The following NDOR1 variants were observed in gnomAD, a reference collection of about 807,000 sequenced individuals.
NDOR1 encodes NADPH-dependent diflavin oxidoreductase 1.
In NDOR1, 61 loss-of-function variants were observed where a neutral mutation model predicts 67.2. The observed-to-expected ratio is 0.91, with a 90% confidence interval of 0.74 to 1.12. The LOEUF is 1.12. Ranked by LOEUF, NDOR1 falls within the 50% of genes most tolerant of loss-of-function variation. The pLI is 0.00. For missense variants in NDOR1, 878 were observed against 802.8 expected (o/e 1.09, Z -1.13); for synonymous variants, 378 against 343.7 (o/e 1.10, Z -1.10).
chr9:137,209,077 T>G (rs951653368), intron 2 of NDOR1, among the ~76,000 whole-genome samples: 10 of 152,000 alleles, frequency 6.6e-5, no homozygotes, highest in African/African-American at 2.4e-4. Context: ...GAGATCGGGT[T>G]TCACCGTGTT....
chr9:137,218,628 C>T lies in NDOR1; in HGVS notation c.*2212C>T, dbSNP rs1278621697. ...GCAGAGCCCAGGACAGCCCCGCCGC[C>T]AACAGGCCAGGGGGCCCAGACTGGC... On this transcript the variant is annotated 3_prime_UTR_variant, in exon 14 of 14. Coordinates refer to ENST00000684003, the MANE Select transcript of NDOR1 (RefSeq NM_014434.4). 1 of 398,514 alleles carries T rather than the reference C, an allele frequency of 2.5e-6. No individual in the cohort carries two copies. The highest frequency in any genetic ancestry group is 4.4e-6 in the Non-Finnish European group (1 of 226,048). 24.7% of individuals were successfully genotyped at this position (398,514 alleles called of 1,614,324 possible).
chr9:137,215,674 C>T lies in NDOR1; in HGVS notation c.1304C>T (p.Pro435Leu). 6.4e-7 allele frequency: 1 copy of T among 1,571,328 alleles called. No homozygotes were observed. Among genetic ancestry groups the T allele is most frequent in the African/African-American group, 1.4e-5 (1 of 73,740 alleles). Reference sequence around the variant, plus strand: ...CCTGCAATAGGACCTGTCCGGGTGCCCCTCTGGGTGCGGCCTGGGAGTCTG... The same window carrying T: ...CCTGCAATAGGACCTGTCCGGGTGCTCCTCTGGGTGCGGCCTGGGAGTCTG... Reference protein sequence around the residue: ...LDPGQGPVRVPLWVRPGSLAF... With the variant: ...LDPGQGPVRVLLWVRPGSLAF... Residue 435 changes from proline (P) to leucine (L), a missense_variant, in exon 11 of 14, where the codon CCC (proline) becomes CTC (leucine). By Grantham distance (98) the Pro-to-Leu change is moderately conservative. Coordinates refer to ENST00000684003, the MANE Select transcript of NDOR1 (RefSeq NM_014434.4).
At position 137,214,993 on chromosome 9, in the gene NDOR1, A is replaced by T; in HGVS notation, c.1040A>T (p.Asn347Ile). The change falls in exon 8 of 14, where the codon AAC (asparagine) becomes ATC (isoleucine). Residue 347 changes from asparagine to isoleucine, a missense_variant. By Grantham distance (149) the Asn-to-Ile change is moderately radical. Coordinates refer to ENST00000684003, the MANE Select transcript of NDOR1 (RefSeq NM_014434.4). The part of the protein sequence containing the change: ...QGQEELFEYC[N>I]RPRRTILEVL... Reference sequence around the variant, plus strand: ...CAGGAGGAGCTCTTTGAATACTGCAACCGGCCCCGCAGGACCATCCTGGAG... The same window carrying T: ...CAGGAGGAGCTCTTTGAATACTGCATCCGGCCCCGCAGGACCATCCTGGAG... 6.2e-7 allele frequency: 1 copy of T among 1,613,018 alleles called. No homozygotes were observed. Among genetic ancestry groups the T allele is most frequent in the South Asian group, 1.1e-5 (1 of 91,050 alleles).
At position 137,213,997 on chromosome 9, in the gene NDOR1, A is replaced by AGACTTGT. The variant is rs755620374; in HGVS notation, c.443_449dup (p.Trp150Ter). ...ACGCTGCTGTGGACCCCTGGCTGCG[A>AGACTTGT]GACTTGTGGGACAGGGTTCTGGGGC... On this transcript the variant is annotated frameshift_variant, in exon 5 of 14. Coordinates refer to ENST00000684003, the MANE Select transcript of NDOR1 (RefSeq NM_014434.4). LOFTEE classifies it high-confidence loss of function. 7 of 1,555,056 alleles carry AGACTTGT rather than the reference A, an allele frequency of 4.5e-6. No individual in the cohort carries two copies. The South Asian group carries it at 8.2e-5, about 18-fold the overall frequency.
Position 137,205,769 on chromosome 9 carries a change from C to T in NDOR1, c.-9C>T, listed in dbSNP as rs376442947. On this transcript the variant is annotated 5_prime_UTR_variant, in exon 1 of 14. Transcript: ENST00000684003. ...TTTAGTCTCAGACCAGACCACCGGG[C>T]GCACCCCGATGCCGAGCCCGCAGCT... 8 of 1,602,762 alleles carry T rather than the reference C, an allele frequency of 5.0e-6. No homozygotes were observed. Among genetic ancestry groups the T allele is most frequent in the African/African-American group, 1.3e-5 (1 of 74,904 alleles).
At position 137,218,309 on chromosome 9, in the gene NDOR1, C is replaced by T. The variant is rs1041208699; in HGVS notation, c.*1893C>T. On this transcript the variant is annotated 3_prime_UTR_variant, in exon 14 of 14. Transcript: ENST00000684003. ...CGACGGGCCCTCACGCCAGCCCCGC[C>T]GAGAGGCCCCTGCATCCTATCACCG... is the stretch of plus-strand genomic sequence containing the variant. 5.3e-5 allele frequency: 21 copies of T among 398,172 alleles called. No individual in the cohort carries two copies. The highest frequency in any genetic ancestry group is 1.2e-3 in the Middle Eastern group (2 of 1,608). 24.7% of individuals were successfully genotyped at this position (398,172 alleles called of 1,614,324 possible).
At chr9:137,213,425 T>G (rs1451242613) in intron 3 of NDOR1, among the ~76,000 whole-genome samples, 1 of 151,778 alleles carries the variant, frequency 6.6e-6, no homozygotes, top group East Asian at 1.9e-4. Context: ...AGCTGAGGAG[T>G]GACCCACATC....
chr9:137,206,135 C>A, intron 1 of NDOR1, 97 bp from the exon 2 acceptor site: 7 of 1,512,608 alleles, frequency 4.6e-6, no homozygotes, highest in Non-Finnish European at 6.4e-6. Context: ...ATCCCTCTGC[C>A]CTGTCAGCCT....
chr9:137,214,855 A>G lies in NDOR1; in HGVS notation c.902A>G (p.His301Arg), dbSNP rs756406377. 1.9e-6 allele frequency: 3 copies of G among 1,609,920 alleles called. No homozygotes were observed. The highest frequency in any genetic ancestry group is 2.5e-6 in the Non-Finnish European group (3 of 1,179,986). Reference sequence around the variant, plus strand: ...TGCTCCATGCGGCACCTCGTGTCCCACTACCTGGACATCGCCAGCGTGCCT... The same window carrying G: ...TGCTCCATGCGGCACCTCGTGTCCCGCTACCTGGACATCGCCAGCGTGCCT... ...QPCSMRHLVS[H>R]YLDIASVPRR... The change falls in exon 8 of 14, where the codon CAC becomes CGC. Residue 301 changes from histidine (H) to arginine (R), a missense_variant. His to Arg is a conservative substitution (Grantham distance 29, BLOSUM62 0). Transcript: ENST00000684003.
At chr9:137,208,143 C>CAAAA (rs34327783) in intron 2 of NDOR1, among the ~76,000 whole-genome samples, 1 of 57,104 alleles carries the variant, frequency 1.8e-5, no homozygotes, top group African/African-American at 6.9e-5. Context: ...TAGACTCTGT[C>CAAAA]AAAAAAAAAA....
chr9:137,218,644 C>G lies in NDOR1; in HGVS notation c.*2228C>G, dbSNP rs1358723419. The G allele has an allele frequency of 2.5e-6, 1 of 398,460 alleles. No homozygotes were observed. The highest frequency in any genetic ancestry group is 4.4e-6 in the Non-Finnish European group (1 of 226,034). 24.7% of individuals were successfully genotyped at this position (398,460 alleles called of 1,614,324 possible). Reference sequence around the variant, plus strand: ...CCCCGCCGCCAACAGGCCAGGGGGCCCAGACTGGCCCACGTCCCCATGCCT... The same window carrying G: ...CCCCGCCGCCAACAGGCCAGGGGGCGCAGACTGGCCCACGTCCCCATGCCT... On this transcript the variant is annotated 3_prime_UTR_variant, in exon 14 of 14. Coordinates refer to ENST00000684003, the MANE Select transcript of NDOR1 (RefSeq NM_014434.4).
At chr9:137,209,457 C>T (rs1835141630) in intron 2 of NDOR1, among the ~76,000 whole-genome samples, 1 of 152,084 alleles carries the variant, frequency 6.6e-6, no homozygotes, top group Non-Finnish European at 1.5e-5. Flanking sequence ...GGTGCTAATG[C>T]CGGGATTCAG....
In NDOR1 at chr9:137,212,251, C is replaced by G. The variant is rs1351804170; in HGVS notation, c.214-251C>G. ...GGAAGCTCCACGCAGGCCTGTAGAGCACAGCAGGGTCTGGCTCCTGTGGGC... is the reference window on the plus strand; with the variant it reads ...GGAAGCTCCACGCAGGCCTGTAGAGGACAGCAGGGTCTGGCTCCTGTGGGC... On this transcript the variant is annotated intron_variant, in intron 2 of 13. Coordinates refer to ENST00000684003, the MANE Select transcript of NDOR1 (RefSeq NM_014434.4). This position sits in a 1 kb window ranked among gnomAD's most constrained non-coding sequence, Gnocchi z 4.3. Among the ~76,000 whole-genome samples the G allele has an allele frequency of 1.3e-5, 2 of 152,138 alleles. No individual in the cohort carries two copies. Among genetic ancestry groups the G allele is most frequent in the Non-Finnish European group, 2.9e-5 (2 of 68,002 alleles).
In NDOR1 at chr9:137,215,920, G is replaced by A; in HGVS notation, c.1457G>A (p.Cys486Tyr). The change falls in exon 12 of 14, where the codon TGC becomes TAC. Residue 486 changes from cysteine (C) to tyrosine (Y), a missense_variant. Cys to Tyr is a radical substitution (Grantham distance 194). Coordinates refer to ENST00000684003, the MANE Select transcript of NDOR1 (RefSeq NM_014434.4). ...CTAGGAAACTTCTTGTTTTTTGGCTGCCGCTGGCGGGACCAAGACTTCTAC... is the reference window on the plus strand; with the variant it reads ...CTAGGAAACTTCTTGTTTTTTGGCTACCGCTGGCGGGACCAAGACTTCTAC... Reference protein sequence around the residue: ...GQTGNFLFFGCRWRDQDFYWE... With the variant: ...GQTGNFLFFGYRWRDQDFYWE... The A allele has an allele frequency of 1.2e-6, 2 of 1,613,604 alleles. No homozygotes were observed. The highest frequency in any genetic ancestry group is 2.2e-5 in the South Asian group (2 of 91,088).
At position 137,205,865 on chromosome 9, in the gene NDOR1, C is replaced by A; in HGVS notation, c.88C>A (p.Arg30Ser). The A allele has an allele frequency of 6.2e-7, 1 of 1,600,668 alleles. No homozygotes were observed. Reference sequence around the variant, plus strand: ...GGAGAGACTGGGTCGCGAGGCCCGGCGCCGGCGGCTTGGCTGCCGGGTGCA... The same window carrying A: ...GGAGAGACTGGGTCGCGAGGCCCGGAGCCGGCGGCTTGGCTGCCGGGTGCA... ...VSERLGREAR[R>S]RRLGCRVQAL... is the part of the protein sequence containing the mutation. Residue 30 changes from arginine (R) to serine (S), a missense_variant, in exon 1 of 14, where the codon CGC becomes AGC. Physicochemically the swap from Arg to Ser is moderately radical, Grantham distance 110. Coordinates refer to ENST00000684003, the MANE Select transcript of NDOR1 (RefSeq NM_014434.4).
In NDOR1 at chr9:137,217,218, C is replaced by G. The variant is rs541913387; in HGVS notation, c.*802C>G. On this transcript the variant is annotated 3_prime_UTR_variant, in exon 14 of 14. Coordinates refer to ENST00000684003, the MANE Select transcript of NDOR1 (RefSeq NM_014434.4). ...GCACCCTTGTTGGGCTGCCTGTGCC[C>G]GAGTGGCCTCTGCAGCTCTTATGTC... is the stretch of plus-strand genomic sequence containing the variant. Among the ~76,000 whole-genome samples the G allele has an allele frequency of 6.6e-6, 1 of 152,076 alleles. No individual in the cohort carries two copies. Among genetic ancestry groups the G allele is most frequent in the African/African-American group, 2.4e-5 (1 of 41,402 alleles).
At chr9:137,213,293 G>A (rs577932385) in intron 3 of NDOR1, among the ~76,000 whole-genome samples, 2 of 152,156 alleles carry the variant, frequency 1.3e-5, no homozygotes, top group East Asian at 1.9e-4. Context: ...GAGGGAGGCC[G>A]CTGCCGACAG....
In NDOR1 at chr9:137,216,142, G is replaced by C; in HGVS notation, c.1603G>C (p.Val535Leu). The change falls in exon 13 of 14, where the codon GTG becomes CTG. Residue 535 changes from valine to leucine, a missense_variant. Physicochemically the swap from Val to Leu is conservative, Grantham distance 32. Transcript: ENST00000684003. ...QHRLRELGSL[V>L]WELLDRQGAY... ...CCGGCTCCGGGAGCTGGGGTCGCTTGTGTGGGAACTGCTGGACCGCCAGGG... is the reference window on the plus strand; with the variant it reads ...CCGGCTCCGGGAGCTGGGGTCGCTTCTGTGGGAACTGCTGGACCGCCAGGG... 6.2e-7 allele frequency: 1 copy of C among 1,613,636 alleles called. No individual in the cohort carries two copies. Among genetic ancestry groups the C allele is most frequent in the Non-Finnish European group, 8.5e-7 (1 of 1,180,034 alleles).
chr9:137,214,493 C>T (rs1288452191), intron 6 of NDOR1, 77 bp from the exon 7 acceptor site: 15 of 1,609,446 alleles, frequency 9.3e-6, no homozygotes, highest in Admixed American at 1.7e-5. Context: ...GGCCGGGCTG[C>T]AGGGGATGAC....
Sources: gnomAD v4.1 joint callset for allele counts (sites outside exome capture counted in the v4.1 genomes callset) on GRCh38, gnomAD v4.1.1 for gene constraint, Gnocchi (gnomAD v3.1) non-coding constraint, MANE v1.5 for transcripts, NCBI Gene and HGNC (gene_info 2026-07-23, HGNC 2026-07-21) for gene names.